TMEM132B: variants seen among roughly 807,000 people sequenced by gnomAD.
TMEM132B encodes the protein transmembrane protein 132B.
In TMEM132B, 18 loss-of-function variants were observed where a neutral mutation model predicts 90.8. The ratio of observed to expected loss-of-function variants is 0.20; its 90% CI spans 0.14 to 0.29. TMEM132B has a LOEUF of 0.29. TMEM132B is among the 10% of genes least tolerant of loss of function. The pLI is 1.00. For synonymous variants in TMEM132B, 504 were observed against 523.3 expected (o/e 0.96, Z 0.50); for missense variants, 1,096 against 1,326.8 (o/e 0.83, Z 2.70).
At chr12:125,640,814 G>A (rs980622677) in intron 5 of TMEM132B, among the ~76,000 whole-genome samples, 3 of 152,020 alleles carry the variant, frequency 2.0e-5, no homozygotes, top group African/African-American at 7.3e-5. Flanking sequence ...AGAGTGTTGC[G>A]GCAATGAGGT....
chr12:125,341,033 C>T (rs1245453994), intron 1 of TMEM132B, among the ~76,000 whole-genome samples: 1 of 152,240 alleles, frequency 6.6e-6, no homozygotes, highest in Non-Finnish European at 1.5e-5. Flanking sequence ...ATAGTGACCT[C>T]ATCTTGTGCT....
intron 2 of TMEM132B, among the ~76,000 whole-genome samples, chr12:125,409,639 A>AGGAGT (rs1192246942): frequency 8.6e-4 from 42 of 48,672 alleles, no homozygotes; most frequent in Non-Finnish European, 1.3e-3. Context: ...AGTGGAGTGG[A>AGGAGT]GGAGTGGAGT....
At chr12:125,450,877 TA>T (rs1344056551) in intron 3 of TMEM132B, among the ~76,000 whole-genome samples, 4 of 152,156 alleles carry the variant, frequency 2.6e-5, no homozygotes, top group East Asian at 1.9e-4. Context: ...CAACATCACT[TA>T]TGTAAGTATT....
Position 125,231,654 on chromosome 12 carries a change from C to T in TMEM132B, c.67+44788C>T, listed in dbSNP as rs191752981. On this transcript the variant is annotated intron_variant, in intron 1 of 8. Transcript: ENST00000682704. ...AGGAACATAGGCTAGAAAACACAGCCGCTCTGATTGGAACCAGGGTAGAAG... is the reference window on the plus strand; with the variant it reads ...AGGAACATAGGCTAGAAAACACAGCTGCTCTGATTGGAACCAGGGTAGAAG... Among the ~76,000 whole-genome samples, 15 of 152,130 alleles carry T rather than the reference C, an allele frequency of 9.9e-5. No individual in the cohort carries two copies. In the East Asian group the frequency reaches 2.9e-3, roughly 29 times the overall value.
chr12:125,638,835 G>A (rs1886555065), intron 5 of TMEM132B, among the ~76,000 whole-genome samples: 1 of 152,162 alleles, frequency 6.6e-6, no homozygotes, highest in Non-Finnish European at 1.5e-5. Flanking sequence ...CATCTGGAGA[G>A]CCCCTTTTAG....
chr12:125,291,233 C>T (rs1875530112), intron 1 of TMEM132B, among the ~76,000 whole-genome samples: 1 of 152,216 alleles, frequency 6.6e-6, no homozygotes, highest in African/African-American at 2.4e-5. Flanking sequence ...AGGCCCTCAC[C>T]AGAACCCGGC....
In TMEM132B at chr12:125,220,360, G is replaced by A. The variant is rs371240137; in HGVS notation, c.67+33494G>A. 3.9e-5 allele frequency among the ~76,000 whole-genome samples: 6 copies of A among 152,184 alleles called. No individual in the cohort carries two copies. The East Asian group carries it at 7.7e-4, about 20-fold the overall frequency. On this transcript the variant is annotated intron_variant, in intron 1 of 8. Coordinates refer to ENST00000682704, the MANE Select transcript of TMEM132B (RefSeq NM_001366854.1). ...GAACCAGGGGCGACCCAGCCTCACC[G>A]CCTGGAGACACGTAACAAAGTCTAC...
intron 1 of TMEM132B, among the ~76,000 whole-genome samples, chr12:125,208,623 C>G (rs989383238): frequency 6.6e-6 from 1 of 152,114 alleles, no homozygotes; most frequent in Non-Finnish European, 1.5e-5. Flanking sequence ...GTGTCCGGAC[C>G]GCATAGTGTT....
intron 4 of TMEM132B, among the ~76,000 whole-genome samples, chr12:125,547,803 C>T (rs1330636589): frequency 1.3e-5 from 2 of 152,146 alleles, no homozygotes; most frequent in African/African-American, 4.8e-5. Flanking sequence ...GCTCCAGGTG[C>T]CCAGCAGTGT....
chr12:125,416,953 T>G (rs1880031117), intron 3 of TMEM132B, among the ~76,000 whole-genome samples: 2 of 152,208 alleles, frequency 1.3e-5, no homozygotes, highest in East Asian at 3.9e-4. Flanking sequence ...TGCTTTCAGT[T>G]GCAAGTAATA....
intron 1 of TMEM132B, chr12:125,326,719 G>A: frequency 1.3e-6 from 2 of 1,578,140 alleles, no homozygotes; most frequent in Non-Finnish European, 1.7e-6. Flanking sequence ...GACAGGGATG[G>A]GACCAGACCC....
In TMEM132B at chr12:125,650,717, G is replaced by A; in HGVS notation, c.1678G>A (p.Glu560Lys). 1 of 1,612,626 alleles carries A rather than the reference G, an allele frequency of 6.2e-7. No individual in the cohort carries two copies. Among genetic ancestry groups the A allele is most frequent in the Non-Finnish European group, 8.5e-7 (1 of 1,178,666 alleles). Residue 560 changes from glutamate (E) to lysine (K), a missense_variant, in exon 7 of 9, where the codon GAG becomes AAG. Transcript: ENST00000682704. ...GGAAAGCGATGACGAGGACGATGAGGAGAAGAAGGGACGAGGCTGCTCCCT... is the reference window on the plus strand; with the variant it reads ...GGAAAGCGATGACGAGGACGATGAGAAGAAGAAGGGACGAGGCTGCTCCCT... ...TRESDDEDDEEKKGRGCSLQY... is the reference protein window; with the variant it reads ...TRESDDEDDEKKKGRGCSLQY...
In TMEM132B at chr12:125,545,641, A is replaced by G. The variant is rs60275363; in HGVS notation, c.1293+26016A>G. 3.9e-3 allele frequency among the ~76,000 whole-genome samples: 599 copies of G among 152,346 alleles called. 2 individuals are homozygous for G. Among genetic ancestry groups the G allele is most frequent in the African/African-American group, 0.014 (563 of 41,584 alleles). ...GTGTGACTGTGATTAAGACGGTTCA[A>G]CGATAATCAGTCCTTGGTCCTTTGC... On this transcript the variant is annotated intron_variant, in intron 4 of 8. Transcript: ENST00000682704.
At chr12:125,489,934 T>G (rs1191173452) in intron 3 of TMEM132B, among the ~76,000 whole-genome samples, 2 of 152,106 alleles carry the variant, frequency 1.3e-5, no homozygotes, top group African/African-American at 4.8e-5. Context: ...ATTTTGGAGG[T>G]TGAATGTGTT....
At chr12:125,515,588 CT>C (rs1883120617) in intron 3 of TMEM132B, among the ~76,000 whole-genome samples, 1 of 151,536 alleles carries the variant, frequency 6.6e-6, no homozygotes, top group Admixed American at 6.6e-5. Context: ...CACACATTCC[CT>C]CTCACACACA....
intron 3 of TMEM132B, among the ~76,000 whole-genome samples, chr12:125,446,744 T>G (rs1881016178): frequency 6.6e-6 from 1 of 152,200 alleles, no homozygotes; most frequent in South Asian, 2.1e-4. Context: ...AAGTACCTCA[T>G]TTGGCATTCT....
intron 1 of TMEM132B, among the ~76,000 whole-genome samples, chr12:125,321,662 G>A (rs1352323348): frequency 1.3e-5 from 2 of 151,824 alleles, no homozygotes; most frequent in Admixed American, 6.6e-5. Flanking sequence ...GTTTTTAGTA[G>A]AGCCAGTGTT....
chr12:125,411,905 A>T lies in TMEM132B; in HGVS notation c.960-3626A>T, dbSNP rs571648713. 2.6e-5 allele frequency among the ~76,000 whole-genome samples: 4 copies of T among 152,252 alleles called. No homozygotes were observed. The South Asian group carries it at 8.3e-4, about 32-fold the overall frequency. On this transcript the variant is annotated intron_variant, in intron 2 of 8. Transcript: ENST00000682704. ...GTTGACAAAATATTTCAAAATGTTG[A>T]CATTTGTTGGCTAATGGTCAACTTG...
chr12:125,476,010 G>T (rs1004328206), intron 3 of TMEM132B, among the ~76,000 whole-genome samples: 1 of 152,066 alleles, frequency 6.6e-6, no homozygotes, highest in East Asian at 1.9e-4. Context: ...TTCTGCTTTT[G>T]CTCCTTGTAA....
Sources: allele counts gnomAD v4.1 joint callset (sites outside exome capture counted in the v4.1 genomes callset), GRCh38; gene constraint gnomAD v4.1.1; transcripts MANE v1.5; gene names NCBI Gene and HGNC (gene_info 2026-07-23, HGNC 2026-07-21).